Variants in CLYBL observed in about 807,000 individuals in gnomAD.
The protein encoded by CLYBL is citramalyl-CoA lyase, mitochondrial.
CLYBL carries 31 observed loss-of-function variants against 38.9 expected under a neutral mutation model. The observed-to-expected ratio is 0.80, with a 90% confidence interval of 0.60 to 1.08. The LOEUF is 1.08. Among genes scored for constraint, CLYBL ranks in the 50% least tolerant of loss-of-function variants. CLYBL has a pLI of 0.00. For missense variants in CLYBL, 434 were observed against 411.6 expected, an observed-to-expected ratio of 1.05 and a Z score of -0.47; for synonymous variants, 171 against 158.6, an observed-to-expected ratio of 1.08 and a Z score of -0.59.
chr13:99,882,946 C>T (rs887055546), intron 7 of CLYBL, among the ~76,000 whole-genome samples: 3 of 152,008 alleles, frequency 2.0e-5, no homozygotes, highest in East Asian at 2.0e-4. Context: ...CTGTCCCACT[C>T]GGAAGTAGGG....
chr13:99,669,350 C>T (rs745658416), intron 1 of CLYBL, among the ~76,000 whole-genome samples: 2 of 152,048 alleles, frequency 1.3e-5, no homozygotes, highest in Non-Finnish European at 2.9e-5. Flanking sequence ...CATGGAGACA[C>T]GTGAAGAACA....
intron 1 of CLYBL, among the ~76,000 whole-genome samples, chr13:99,634,670 T>A (rs200481310): frequency 6.6e-6 from 1 of 150,518 alleles, no homozygotes; most frequent in Non-Finnish European, 1.5e-5. Flanking sequence ...CTTATTTTTT[T>A]AAATAAATTT....
chr13:99,823,880 G>A (rs1455435969), intron 2 of CLYBL, among the ~76,000 whole-genome samples: 1 of 152,176 alleles, frequency 6.6e-6, no homozygotes, highest in Non-Finnish European at 1.5e-5. Context: ...AATCGTTCTG[G>A]TAGTTTCCCA....
At chr13:99,808,493 TA>T (rs796897646) in intron 2 of CLYBL, among the ~76,000 whole-genome samples, 28 of 119,352 alleles carry the variant, frequency 2.3e-4, no homozygotes, top group East Asian at 6.6e-4. Flanking sequence ...TTTATAGACT[TA>T]AAAAAAAATT....
chr13:99,714,581 C>T (rs908396280), intron 1 of CLYBL, among the ~76,000 whole-genome samples: 2 of 151,906 alleles, frequency 1.3e-5, no homozygotes, highest in East Asian at 1.9e-4. Flanking sequence ...TGCGCCACTG[C>T]ACTTCCTCCT....
intron 1 of CLYBL, among the ~76,000 whole-genome samples, chr13:99,660,306 A>G (rs1234179087): frequency 6.6e-6 from 1 of 152,224 alleles, no homozygotes; most frequent in Non-Finnish European, 1.5e-5. Flanking sequence ...GAACAGTGGT[A>G]GCCAAATATT....
intron 2 of CLYBL, among the ~76,000 whole-genome samples, chr13:99,792,092 G>A (rs2049929847): frequency 6.6e-6 from 1 of 152,146 alleles, no homozygotes; most frequent in Non-Finnish European, 1.5e-5. Context: ...CCCTCCAGAA[G>A]CCAGAGAGAA....
At chr13:99,657,939 T>TC (rs1331341027) in intron 1 of CLYBL, among the ~76,000 whole-genome samples, 1 of 152,318 alleles carries the variant, frequency 6.6e-6, no homozygotes. Flanking sequence ...GCCCTGAGTC[T>TC]CCATGTTTCC....
intron 1 of CLYBL, among the ~76,000 whole-genome samples, chr13:99,728,588 T>C (rs528479648): frequency 6.6e-6 from 1 of 152,002 alleles, no homozygotes; most frequent in African/African-American, 2.4e-5. Flanking sequence ...TTTTTTCTTT[T>C]TAATAGAGAC....
intron 1 of CLYBL, among the ~76,000 whole-genome samples, chr13:99,726,057 A>G (rs1382816911): frequency 1.3e-5 from 2 of 152,232 alleles, no homozygotes; most frequent in East Asian, 3.8e-4. Flanking sequence ...ATGTAAACAC[A>G]TTAAGGCAAG....
intron 1 of CLYBL, among the ~76,000 whole-genome samples, chr13:99,632,905 G>T (rs1487482114): frequency 6.6e-6 from 1 of 152,140 alleles, no homozygotes; most frequent in African/African-American, 2.4e-5. Flanking sequence ...TAATAAAAAT[G>T]TATACACAAT....
intron 2 of CLYBL, among the ~76,000 whole-genome samples, chr13:99,846,750 A>C (rs1047188009): frequency 1.3e-5 from 2 of 152,166 alleles, no homozygotes; most frequent in African/African-American, 4.8e-5. Flanking sequence ...TCTGTGGATA[A>C]ACTTTATAAT....
intron 1 of CLYBL, among the ~76,000 whole-genome samples, chr13:99,703,266 A>C (rs930001253): frequency 6.6e-6 from 1 of 152,330 alleles, no homozygotes; most frequent in Admixed American, 6.5e-5. Context: ...GTCCCTTTTT[A>C]AATTTAAGTG....
At chr13:99,823,131 G>T (rs2050618602) in intron 2 of CLYBL, among the ~76,000 whole-genome samples, 1 of 152,110 alleles carries the variant, frequency 6.6e-6, no homozygotes, top group African/African-American at 2.4e-5. Flanking sequence ...TAATTGCCTT[G>T]AATTTATTTA....
chr13:99,735,392 T>C (rs1008017404), intron 1 of CLYBL, among the ~76,000 whole-genome samples: 18 of 152,064 alleles, frequency 1.2e-4, no homozygotes, highest in African/African-American at 4.3e-4. Context: ...ATGAGATCTT[T>C]GCTATATTAC....
intron 1 of CLYBL, among the ~76,000 whole-genome samples, chr13:99,656,436 G>A (rs561219982): frequency 2.0e-5 from 3 of 152,224 alleles, no homozygotes; most frequent in South Asian, 2.1e-4. Context: ...TCTCTTGATC[G>A]TCTACAGATA....
chr13:99,785,191 C>CTTTTTTTT (rs58550861), intron 2 of CLYBL, among the ~76,000 whole-genome samples: 4 of 34,206 alleles, frequency 1.2e-4, no homozygotes, highest in African/African-American at 1.4e-4. Context: ...CCCCGCCTGG[C>CTTTTTTTT]TTTTTTTTTT....
chr13:99,657,100 G>A (rs926228752), intron 1 of CLYBL, among the ~76,000 whole-genome samples: 17 of 152,226 alleles, frequency 1.1e-4, no homozygotes, highest in African/African-American at 3.6e-4. Context: ...ATGCAGACGT[G>A]CTTCATCTGT....
Position 99,876,069 on chromosome 13 carries a change from CTTTTT to C in CLYBL, c.927+5025_927+5029del, listed in dbSNP as rs10625169. Among the ~76,000 whole-genome samples, 7 of 106,654 alleles carry C rather than the reference CTTTTT, an allele frequency of 6.6e-5. No homozygotes were observed. The East Asian group carries it at 1.1e-3, about 17-fold the overall frequency. The allele number at this position is 106,654 out of a possible 152,430, so 70.0% of individuals were successfully genotyped here. A position where few individuals can be genotyped will look rare whatever the true frequency, so the allele number is the denominator to read the frequency against. On this transcript the variant is annotated intron_variant, in intron 7 of 8. Transcript: ENST00000339105. Reference sequence around the variant, plus strand: ...TGAAATCATATCATATTCTATTTCACTTTTTTTTTTTTTTTTTTTTTTAGTGGCAA... The same window carrying C: ...TGAAATCATATCATATTCTATTTCACTTTTTTTTTTTTTTTTTAGTGGCAA...
Sources: allele counts gnomAD v4.1 joint callset (sites outside exome capture counted in the v4.1 genomes callset), GRCh38; gene constraint gnomAD v4.1.1; transcripts MANE v1.5; gene names NCBI Gene and HGNC (gene_info 2026-07-23, HGNC 2026-07-21).